TRPM3: variants seen among roughly 807,000 people sequenced by gnomAD.
The protein encoded by TRPM3 is transient receptor potential cation channel subfamily M member 3.
TRPM3 carries 77 observed loss-of-function variants against 181.2 expected under a neutral mutation model. The ratio of observed to expected loss-of-function variants is 0.42; its 90% confidence interval spans 0.35 to 0.51. TRPM3 has a LOEUF of 0.51. TRPM3 is among the 20% of genes least tolerant of loss of function. The pLI is 0.01. For missense variants in TRPM3, 1,759 were observed against 2,196.7 expected, an observed-to-expected ratio of 0.80 and a Z score of 3.98; for synonymous variants, 745 against 796.4, an observed-to-expected ratio of 0.94 and a Z score of 1.09.
intron 1 of TRPM3, among the ~76,000 whole-genome samples, chr9:71,266,420 A>T (rs1485769416): frequency 6.6e-6 from 1 of 151,818 alleles, no homozygotes; most frequent in African/African-American, 2.4e-5. Flanking sequence ...ACAGCTTGTA[A>T]CTCTGTTTCC....
intron 1 of TRPM3, among the ~76,000 whole-genome samples, chr9:70,977,440 G>T (rs2097315798): frequency 6.6e-6 from 1 of 152,178 alleles, no homozygotes; most frequent in African/African-American, 2.4e-5. Flanking sequence ...GGCCCAGTCT[G>T]AACTGTTCTT....
intron 1 of TRPM3, among the ~76,000 whole-genome samples, chr9:70,869,720 T>C (rs1297264137): frequency 2.0e-5 from 3 of 151,992 alleles, no homozygotes; most frequent in East Asian, 3.9e-4. Flanking sequence ...AAATGTATGA[T>C]TAGAAACCTA....
intron 1 of TRPM3, among the ~76,000 whole-genome samples, chr9:70,910,116 A>T (rs2096523568): frequency 6.6e-6 from 1 of 152,214 alleles, no homozygotes; most frequent in South Asian, 2.1e-4. Context: ...TGCTTACAGT[A>T]CCATTATTCA....
In TRPM3 at chr9:70,639,221, T is replaced by G. The variant is rs757203119; in HGVS notation, c.1447-27A>C. The G allele has an allele frequency of 1.9e-6, 3 of 1,611,976 alleles. No individual in the cohort carries two copies. The East Asian group carries it at 6.7e-5, about 36-fold the overall frequency. ...TGCAAACCAAGTCACTGAGTTAGTC[T>G]GCCCCAGGGTCTATCTATGGATGCA... On this transcript the variant is annotated intron_variant, in intron 10 of 25. Transcript: ENST00000677713.
chr9:70,781,500 AATAGTAATAATAATAATACTAAAGTAT>A lies in TRPM3; in HGVS notation c.1148+2578_1148+2604del, dbSNP rs1261280296. ...TTGCTTTTGATTTCTTTGGAATACC[AATAGTAATAATAATAATACTAAAGTAT>A]AATGAAAAGAGGAAGCTGAAGACAA... On this transcript the variant is annotated intron_variant, in intron 7 of 25. Transcript: ENST00000677713. 2.0e-5 allele frequency among the ~76,000 whole-genome samples: 3 copies of A among 152,116 alleles called. No individual in the cohort carries two copies. In the East Asian group the frequency reaches 5.8e-4, roughly 29 times the overall value.
At chr9:71,174,921 A>G (rs2077033828) in intron 1 of TRPM3, among the ~76,000 whole-genome samples, 1 of 152,188 alleles carries the variant, frequency 6.6e-6, no homozygotes. Context: ...AGTGAGAGCT[A>G]ATCTTTAAAA....
rs182496744 is a variant in TRPM3 at position 71,009,886 on chromosome 9, T to C, written c.177+111292A>G. On this transcript the variant is annotated intron_variant, in intron 1 of 25. Coordinates refer to ENST00000677713, the MANE Select transcript of TRPM3 (RefSeq NM_001366145.2). ...GTACTGTCATAAAAACAGATGCACA[T>C]AGACCAATAGAACAGAATAGAGAAC... Among the ~76,000 whole-genome samples, 72 of 152,216 alleles carry C rather than the reference T, an allele frequency of 4.7e-4. 1 individual carries two copies. The highest frequency in any genetic ancestry group is 1.6e-3 in the African/African-American group (66 of 41,528).
intron 9 of TRPM3, among the ~76,000 whole-genome samples, chr9:70,673,829 ATTCCAGC>A (rs2063452202): frequency 6.6e-6 from 1 of 151,800 alleles, no homozygotes; most frequent in Non-Finnish European, 1.5e-5. Flanking sequence ...GGCACCTGTA[ATTCCAGC>A]TACTCGGGAG....
intron 1 of TRPM3, among the ~76,000 whole-genome samples, chr9:71,295,978 T>C (rs1811014947): frequency 6.6e-6 from 1 of 152,100 alleles, no homozygotes; most frequent in African/African-American, 2.4e-5. Flanking sequence ...TTCTTCTTCA[T>C]CCTCTCTAGA....
intron 1 of TRPM3, among the ~76,000 whole-genome samples, chr9:71,005,195 T>G (rs2097660524): frequency 6.6e-6 from 1 of 152,140 alleles, no homozygotes; most frequent in South Asian, 2.1e-4. Context: ...TCACCTGAGT[T>G]TGGGAGTTTG....
At chr9:70,995,554 T>G (rs1221501304) in intron 1 of TRPM3, among the ~76,000 whole-genome samples, 2 of 152,188 alleles carry the variant, frequency 1.3e-5, no homozygotes, top group Non-Finnish European at 2.9e-5. Context: ...AGGGAAGGTA[T>G]CTGGTGAGAC....
At chr9:71,197,367 G>C (rs919653958) in intron 1 of TRPM3, among the ~76,000 whole-genome samples, 1 of 152,056 alleles carries the variant, frequency 6.6e-6, no homozygotes, top group Non-Finnish European at 1.5e-5. Context: ...ATGATCTATA[G>C]TCCTTTGGGT....
intron 19 of TRPM3, 29 bp from the exon 20 acceptor site, chr9:70,603,499 G>C: frequency 6.2e-7 from 1 of 1,611,052 alleles, no homozygotes; most frequent in East Asian, 2.2e-5. Flanking sequence ...CAGTGCTCTG[G>C]CTGTTCAGGC....
intron 1 of TRPM3, among the ~76,000 whole-genome samples, chr9:70,932,230 T>G (rs1461050979): frequency 6.6e-6 from 1 of 152,136 alleles, no homozygotes; most frequent in East Asian, 1.9e-4. Flanking sequence ...CTCTTGGAGC[T>G]ACTGTTTTTT....
chr9:71,216,477 A>C (rs2079875277), intron 1 of TRPM3, among the ~76,000 whole-genome samples: 1 of 152,334 alleles, frequency 6.6e-6, no homozygotes, highest in East Asian at 1.9e-4. Flanking sequence ...TATTTGTGTA[A>C]AATGTTATGA....
intron 1 of TRPM3, among the ~76,000 whole-genome samples, chr9:71,441,021 A>G (rs1022273912): frequency 6.6e-6 from 1 of 152,280 alleles, no homozygotes; most frequent in Non-Finnish European, 1.5e-5. Context: ...TCACAATGCA[A>G]AGATATTTTA....
intron 18 of TRPM3, among the ~76,000 whole-genome samples, chr9:70,613,213 T>C (rs1372761639): frequency 6.6e-6 from 1 of 152,262 alleles, no homozygotes; most frequent in Non-Finnish European, 1.5e-5. Context: ...GTCTTTTCTC[T>C]GTATTCAGAC....
At chr9:71,059,235 T>G (rs1327980289) in intron 1 of TRPM3, among the ~76,000 whole-genome samples, 1 of 151,842 alleles carries the variant, frequency 6.6e-6, no homozygotes, top group Non-Finnish European at 1.5e-5. Context: ...ATCTCGGGAT[T>G]TCCCTTGTTG....
At chr9:71,170,619 C>A (rs1406661625) in intron 1 of TRPM3, among the ~76,000 whole-genome samples, 1 of 152,194 alleles carries the variant, frequency 6.6e-6, no homozygotes, top group Non-Finnish European at 1.5e-5. Context: ...GTCTTTACTG[C>A]AATCTCTAAA....
Sources: gnomAD v4.1 joint callset for allele counts (sites outside exome capture counted in the v4.1 genomes callset) on GRCh38, gnomAD v4.1.1 for gene constraint, MANE v1.5 for transcripts, NCBI Gene and HGNC (gene_info 2026-07-23, HGNC 2026-07-21) for gene names.